Variants in MID1 observed in about 807,000 individuals in gnomAD.
MID1 encodes the protein E3 ubiquitin-protein ligase Midline-1.
MID1 carries 7 observed loss-of-function variants against 40.4 expected under a neutral mutation model. The observed-to-expected ratio is 0.17, with a 90% CI of 0.10 to 0.33. MID1 has a LOEUF of 0.33. MID1 is among the 10% of genes least tolerant of loss of function. MID1 has a pLI of 1.00. For synonymous variants in MID1, 229 were observed against 221.2 expected, an observed-to-expected ratio of 1.04 and a Z score of -0.31; for missense variants, 367 against 558.5, an observed-to-expected ratio of 0.66 and a Z score of 3.46.
chrX:10,770,503 A>G (rs1258234078), intron 1 of MID1, among the ~76,000 whole-genome samples: 1 of 111,693 alleles, frequency 9.0e-6, no homozygotes, highest in African/African-American at 3.3e-5. Context: ...ATACCAGGGA[A>G]CTAATTTTAC....
Position 10,615,563 on chromosome X carries a change from G to A in MID1, c.-57+4727C>T, listed in dbSNP as rs552248085. On this transcript the variant is annotated intron_variant, in intron 1 of 9. Coordinates refer to ENST00000317552, the MANE Select transcript of MID1 (RefSeq NM_000381.4). ...GCAGGTAAGTTATTTTCTTTGGTCTGGTTTGTTTTTTCAGGAAAGTCCCCT... is the reference window on the plus strand; with the variant it reads ...GCAGGTAAGTTATTTTCTTTGGTCTAGTTTGTTTTTTCAGGAAAGTCCCCT... 5.2e-4 allele frequency among the ~76,000 whole-genome samples: 58 copies of A among 111,577 alleles called. No individual in the cohort carries two copies. The Middle Eastern group carries it at 0.014, about 27-fold the overall frequency.
intron 1 of MID1, among the ~76,000 whole-genome samples, chrX:10,699,862 G>A (rs989927665): frequency 8.4e-5 from 9 of 106,669 alleles, no homozygotes; most frequent in Admixed American, 1.0e-4. Flanking sequence ...CACTCTTGTT[G>A]CCCAGGTTGG....
chrX:10,759,776 A>G (rs1026157260), intron 1 of MID1, among the ~76,000 whole-genome samples: 3 of 112,064 alleles, frequency 2.7e-5, no homozygotes, highest in Admixed American at 9.5e-5. Flanking sequence ...TTCAGGGACA[A>G]TTCAGCACTC....
At chrX:10,586,877 G>A (rs1234167283) in intron 1 of MID1, among the ~76,000 whole-genome samples, 1 of 112,741 alleles carries the variant, frequency 8.9e-6, no homozygotes, top group African/African-American at 3.2e-5. Flanking sequence ...CACATAGGGT[G>A]TAAAGGGTTT....
At chrX:10,471,963 T>C (rs924755791) in intron 6 of MID1, among the ~76,000 whole-genome samples, 11 of 112,101 alleles carry the variant, frequency 9.8e-5, no homozygotes, top group Non-Finnish European at 3.8e-5. Flanking sequence ...AAAAAAAATC[T>C]TGTTTTTACA....
chrX:10,489,253 A>C (rs768766318), intron 4 of MID1, among the ~76,000 whole-genome samples: 1 of 112,070 alleles, frequency 8.9e-6, no homozygotes, highest in African/African-American at 3.2e-5. Context: ...CCAACATATA[A>C]ATATTTTCTT....
At chrX:10,475,981 C>T (rs1929985551) in intron 5 of MID1, among the ~76,000 whole-genome samples, 1 of 111,204 alleles carries the variant, frequency 9.0e-6, no homozygotes, top group Non-Finnish European at 1.9e-5. Context: ...TATATCTTGG[C>T]TCTAAAAATT....
At chrX:10,736,057 T>C (rs1034446946) in intron 1 of MID1, among the ~76,000 whole-genome samples, 2 of 112,454 alleles carry the variant, frequency 1.8e-5, no homozygotes, top group African/African-American at 3.2e-5. Context: ...TTAGTTATGA[T>C]ATCTTTAATC....
chrX:10,475,272 C>G, intron 5 of MID1: 1 of 312,116 alleles, frequency 3.2e-6, no homozygotes, highest in Admixed American at 3.4e-5. Flanking sequence ...TAGCCTCTCT[C>G]TAAAATAAAC....
chrX:10,801,911 G>A (rs375168346), intron 1 of MID1, among the ~76,000 whole-genome samples: 11 of 111,702 alleles, frequency 9.8e-5, no homozygotes, highest in African/African-American at 3.6e-4. Context: ...AGGCCAGCAC[G>A]GTGGCTCATG....
chrX:10,588,676 CCT>C (rs998427570), intron 1 of MID1, among the ~76,000 whole-genome samples: 4 of 109,903 alleles, frequency 3.6e-5, no homozygotes, highest in African/African-American at 6.6e-5. Context: ...TCTCTTTCTG[CCT>C]CTCTCTTTCT....
intron 1 of MID1, among the ~76,000 whole-genome samples, chrX:10,822,715 G>GA (rs1485832625): frequency 2.7e-5 from 3 of 111,739 alleles, no homozygotes; most frequent in African/African-American, 9.8e-5. Flanking sequence ...ACAAACATAT[G>GA]AAAAAAAGCT....
chrX:10,807,766 T>G (rs1366707112), intron 1 of MID1, among the ~76,000 whole-genome samples: 2 of 112,353 alleles, frequency 1.8e-5, no homozygotes, highest in Non-Finnish European at 1.9e-5. Context: ...CCAGATAATC[T>G]CCCTATTTTA....
intron 2 of MID1, among the ~76,000 whole-genome samples, chrX:10,524,068 T>C (rs962155738): frequency 3.6e-5 from 4 of 111,849 alleles, no homozygotes; most frequent in African/African-American, 1.3e-4. Flanking sequence ...TACATTTTAT[T>C]GTTCATGCTT....
At chrX:10,533,391 A>AAAGAGAAAGAAAGAAAAG (rs1569089898) in intron 2 of MID1, among the ~76,000 whole-genome samples, 2 of 55,066 alleles carry the variant, frequency 3.6e-5, no homozygotes, top group Non-Finnish European at 6.3e-5. Context: ...AGAAAGAAAG[A>AAAGAGAAAGAAAGAAAAG]AAAGAAAGAA....
rs1160778196 is a variant in MID1 at position 10,636,788 on chromosome X, A to ATATATATATATATATATATG, written c.-186-16370_-186-16369insCATATATATATATATATATA. Among the ~76,000 whole-genome samples the ATATATATATATATATATATG allele has an allele frequency of 5.8e-4, 22 of 37,851 alleles. 2 individuals carry two copies. Among genetic ancestry groups the ATATATATATATATATATATG allele is most frequent in the African/African-American group, 1.5e-3 (21 of 13,745 alleles). 32.9% of individuals were successfully genotyped at this position (37,851 alleles called of 115,157 possible). ...ACTGGGCCATTCCAACAATGGGGAT[A>ATATATATATATATATATATG]TATATATATATATATATATATATAT... On this transcript the variant is annotated intron_variant, in intron 1 of 10. Coordinates refer to the MID1 transcript ENST00000380785.
chrX:10,720,760 G>C (rs2043345846), intron 1 of MID1, among the ~76,000 whole-genome samples: 1 of 110,608 alleles, frequency 9.0e-6, no homozygotes, highest in African/African-American at 3.3e-5. Flanking sequence ...TATGTTTATT[G>C]CGGCACTATT....
intron 1 of MID1, among the ~76,000 whole-genome samples, chrX:10,701,983 G>A (rs1602525457): frequency 8.9e-6 from 1 of 112,531 alleles, no homozygotes; most frequent in Middle Eastern, 4.6e-3. Flanking sequence ...AAAAATGAAA[G>A]GTGTAAAGCT....
intron 1 of MID1, among the ~76,000 whole-genome samples, chrX:10,814,181 T>C (rs1347517269): frequency 8.9e-6 from 1 of 111,766 alleles, no homozygotes; most frequent in Non-Finnish European, 1.9e-5. Context: ...CCGCAGGCCA[T>C]AGTTTGCCAA....
Sources: allele counts gnomAD v4.1 joint callset (sites outside exome capture counted in the v4.1 genomes callset), GRCh38; gene constraint gnomAD v4.1.1; transcripts MANE v1.5; gene names NCBI Gene and HGNC (gene_info 2026-07-23, HGNC 2026-07-21).